The following KAT6B variants were observed in gnomAD, a reference collection of about 807,000 sequenced individuals.
The protein encoded by KAT6B is lysine acetyltransferase 6B.
KAT6B carries 10 observed loss-of-function variants against 187.5 expected under a neutral mutation model. The ratio of observed to expected loss-of-function variants is 0.05; its 90% CI spans 0.03 to 0.09. The LOEUF is 0.09. Among genes scored for constraint, KAT6B ranks in the 10% least tolerant of loss-of-function variants. The probability of loss-of-function intolerance (pLI) is 1.00; values close to 1 mark genes in which losing one functional copy is unlikely to be tolerated. For missense variants in KAT6B, 1,952 were observed against 2,558.9 expected (o/e 0.76, Z 5.12); for synonymous variants, 861 against 926.8 (o/e 0.93, Z 1.29).
chr10:74,884,149 T>C (rs1040764081), intron 3 of KAT6B, among the ~76,000 whole-genome samples: 31 of 152,260 alleles, frequency 2.0e-4, no homozygotes, highest in African/African-American at 6.0e-4. Flanking sequence ...TCTGAACTCA[T>C]AGAAGACTTA....
intron 17 of KAT6B, among the ~76,000 whole-genome samples, chr10:75,026,855 G>C (rs1845885706): frequency 6.6e-6 from 1 of 152,148 alleles, no homozygotes; most frequent in African/African-American, 2.4e-5. Context: ...GCAGAATCCA[G>C]CCAGGCATGG....
At chr10:74,881,922 G>A (rs1284734008) in intron 3 of KAT6B, among the ~76,000 whole-genome samples, 2 of 152,210 alleles carry the variant, frequency 1.3e-5, no homozygotes, top group African/African-American at 4.8e-5. Context: ...CTCCCAAAGT[G>A]TTGGGATTAC....
In KAT6B at chr10:74,876,038, C is replaced by T. The variant is rs1161735330; in HGVS notation, c.621+32560C>T. Among the ~76,000 whole-genome samples, 11 of 152,312 alleles carry T rather than the reference C, an allele frequency of 7.2e-5. No homozygotes were observed. The East Asian group carries it at 2.1e-3, about 29-fold the overall frequency. On this transcript the variant is annotated intron_variant, in intron 3 of 17. Transcript: ENST00000287239. Reference sequence around the variant, plus strand: ...TCTTGAATAAACATACAACCTCAAGCATCCTACAAGGCAAATAGATTCCTT... The same window carrying T: ...TCTTGAATAAACATACAACCTCAAGTATCCTACAAGGCAAATAGATTCCTT...
In KAT6B at chr10:74,954,422, AACTT is replaced by A. The variant is rs767263785; in HGVS notation, c.622-5542_622-5539del. Reference sequence around the variant, plus strand: ...GTGGTAATGGTTGCACAGTATTGTGAACTTACTTAATGCCATTTGAACCACAATT... The same window carrying A: ...GTGGTAATGGTTGCACAGTATTGTGAACTTAATGCCATTTGAACCACAATT... On this transcript the variant is annotated intron_variant, in intron 3 of 17. Transcript: ENST00000287239. Among the ~76,000 whole-genome samples the A allele has an allele frequency of 4.3e-4, 65 of 152,288 alleles. 1 individual carries two copies. Among genetic ancestry groups the A allele is most frequent in the African/African-American group, 1.3e-3 (55 of 41,572 alleles).
At position 75,032,051 on chromosome 10, in the gene KAT6B, T is replaced by C. The variant is rs1320350871; in HGVS notation, c.*1005T>C. On this transcript the variant is annotated 3_prime_UTR_variant, in exon 18 of 18. Transcript: ENST00000287239. ...GCTCAAACTAAGCTTACAAATCGCA[T>C]GTAAAAAAGCAAAAAAGTTATTTGT... The C allele has an allele frequency of 1.0e-5, 2 of 194,592 alleles. No homozygotes were observed. Among genetic ancestry groups the C allele is most frequent in the African/African-American group, 4.6e-5 (2 of 43,142 alleles). The allele number at this position is 194,592 out of a possible 1,614,324, so 12.1% of individuals were successfully genotyped here. A position where few individuals can be genotyped will look rare whatever the true frequency, so the allele number is the denominator to read the frequency against.
chr10:74,912,529 C>T (rs1222722520), intron 3 of KAT6B, among the ~76,000 whole-genome samples: 1 of 152,122 alleles, frequency 6.6e-6, no homozygotes, highest in Non-Finnish European at 1.5e-5. Flanking sequence ...CAAAGTTCAT[C>T]CATGTCTCTT....
chr10:75,017,340 A>G (rs1186300115), intron 13 of KAT6B, among the ~76,000 whole-genome samples: 1 of 152,160 alleles, frequency 6.6e-6, no homozygotes, highest in Non-Finnish European at 1.5e-5. Flanking sequence ...AAGAGCCTAG[A>G]AAAAAATAGA....
At position 74,843,381 on chromosome 10, in the gene KAT6B, A is replaced by G. The variant is rs145911926; in HGVS notation, c.524A>G (p.Asn175Ser). The change falls in exon 3 of 18, where the codon AAT (asparagine) becomes AGT (serine). Residue 175 changes from asparagine to serine, a missense_variant. This residue lies in a region of KAT6B where 218 missense variants were observed against 282.6 expected (regional missense o/e 0.77). Coordinates refer to ENST00000287239, the MANE Select transcript of KAT6B (RefSeq NM_012330.4). The stretch of plus-strand genomic sequence containing the variant: ...AAAGACGGACCGCAGTACAGGGTCA[A>G]TTATGGGAGCTTAGATGGCAAAGGG... ...LLKDGPQYRVNYGSLDGKGAP... is the reference protein window; with the variant it reads ...LLKDGPQYRVSYGSLDGKGAP... The G allele has an allele frequency of 2.4e-5, 38 of 1,613,816 alleles. No homozygotes were observed. The highest frequency in any genetic ancestry group is 4.5e-5 in the East Asian group (2 of 44,894).
At chr10:74,888,808 A>T (rs1262999993) in intron 3 of KAT6B, among the ~76,000 whole-genome samples, 2 of 152,216 alleles carry the variant, frequency 1.3e-5, no homozygotes, top group Non-Finnish European at 2.9e-5. Flanking sequence ...CAGCATATAG[A>T]ATGCGATACC....
At chr10:74,923,793 G>A (rs899682937) in intron 3 of KAT6B, among the ~76,000 whole-genome samples, 2 of 152,230 alleles carry the variant, frequency 1.3e-5, no homozygotes, top group East Asian at 1.9e-4. Flanking sequence ...AGTGATGGAT[G>A]CCTTTGCAGG....
In KAT6B at chr10:74,898,997, CAAA is replaced by C. The variant is rs776291985; in HGVS notation, c.621+55532_621+55534del. On this transcript the variant is annotated intron_variant, in intron 3 of 17. Transcript: ENST00000287239. ...GAAACCCCCGTCTGTACTAAAAATA[CAAA>C]AAAAAAAAAAAATAGCCGAGCATGG... Among the ~76,000 whole-genome samples, 77 of 108,070 alleles carry C rather than the reference CAAA, an allele frequency of 7.1e-4. 2 individuals are homozygous for C. The highest frequency in any genetic ancestry group is 3.0e-3 in the African/African-American group (76 of 25,442). 70.9% of individuals were successfully genotyped at this position (108,070 alleles called of 152,430 possible). A position where few individuals can be genotyped will look rare whatever the true frequency, so the allele number is the denominator to read the frequency against.
At chr10:74,951,681 A>G (rs1840329180) in intron 3 of KAT6B, among the ~76,000 whole-genome samples, 1 of 152,226 alleles carries the variant, frequency 6.6e-6, no homozygotes, top group Non-Finnish European at 1.5e-5. Flanking sequence ...GTTTATGCCC[A>G]GGGAAGTATA....
intron 3 of KAT6B, among the ~76,000 whole-genome samples, chr10:74,904,811 C>A (rs1391753863): frequency 6.6e-6 from 1 of 151,954 alleles, no homozygotes. Flanking sequence ...CTGTGATCCT[C>A]CCCCCTTTAG....
intron 3 of KAT6B, among the ~76,000 whole-genome samples, chr10:74,892,274 G>A (rs6480763): frequency 0.29 from 44,188 of 152,088 alleles, 11,500 homozygotes; most frequent in African/African-American, 0.68. Flanking sequence ...AGGCTGTGGT[G>A]GGAAGATCCT....
chr10:74,831,529 A>G (rs1840861987), intron 1 of KAT6B, among the ~76,000 whole-genome samples: 1 of 152,046 alleles, frequency 6.6e-6, no homozygotes, highest in African/African-American at 2.4e-5. Flanking sequence ...GCTTTCCTTC[A>G]CTTTTTTCTG....
intron 10 of KAT6B, 41 bp downstream of exon 10, chr10:74,979,380 C>T (rs755451566): frequency 7.6e-7 from 1 of 1,314,360 alleles, no homozygotes; most frequent in Non-Finnish European, 1.1e-6. Flanking sequence ...TTGAATGTCA[C>T]ATATGTGAGA....
intron 13 of KAT6B, among the ~76,000 whole-genome samples, chr10:74,995,489 T>G (rs1843367554): frequency 6.6e-6 from 1 of 152,174 alleles, no homozygotes; most frequent in Admixed American, 6.5e-5. Flanking sequence ...TTCCTGCAGG[T>G]CTCCAATCTC....
At chr10:75,009,721 C>G (rs755040555) in intron 13 of KAT6B, among the ~76,000 whole-genome samples, 18 of 152,246 alleles carry the variant, frequency 1.2e-4, no homozygotes, top group South Asian at 2.1e-4. Context: ...AGGCTAAGTC[C>G]CTGGCCGGGC....
chr10:74,968,110 C>G (rs1841600111), intron 4 of KAT6B, among the ~76,000 whole-genome samples: 1 of 152,136 alleles, frequency 6.6e-6, no homozygotes, highest in Non-Finnish European at 1.5e-5. Flanking sequence ...GGGGAGGGCT[C>G]TGATCAAAGT....
Sources: gnomAD v4.1 joint callset for allele counts (sites outside exome capture counted in the v4.1 genomes callset) on GRCh38, gnomAD v4.1.1 for gene constraint, gnomAD v4.1.1 regional missense constraint, MANE v1.5 for transcripts, NCBI Gene and HGNC (gene_info 2026-07-23, HGNC 2026-07-21) for gene names.